The following VWC2 variants were observed in gnomAD, a reference collection of about 807,000 sequenced individuals.
VWC2 encodes the protein von Willebrand factor C domain containing 2.
VWC2 carries 14 observed loss-of-function variants against 29.8 expected under a neutral mutation model. The ratio of observed to expected loss-of-function variants is 0.47; its 90% CI spans 0.31 to 0.74. VWC2 has a LOEUF of 0.74. Ranked by LOEUF, VWC2 falls within the 30% of genes least tolerant of loss-of-function variation. The pLI, the probability that VWC2 is intolerant of heterozygous loss-of-function variation, is 0.05. For missense variants in VWC2, 457 were observed against 459.8 expected, an observed-to-expected ratio of 0.99 and a Z score of 0.05; for synonymous variants, 213 against 199.0, an observed-to-expected ratio of 1.07 and a Z score of -0.59.
At chr7:49,828,717 C>T (rs1234063157) in intron 3 of VWC2, among the ~76,000 whole-genome samples, 1 of 152,064 alleles carries the variant, frequency 6.6e-6, no homozygotes, top group Non-Finnish European at 1.5e-5. Context: ...ACGGCCTCTC[C>T]CACGGTTAAT....
rs939763495 is a variant in VWC2, at chr7:49,774,000, C to T, written c.-217C>T. 2 of 151,822 alleles carry T rather than the reference C, an allele frequency of 1.3e-5. No homozygotes were observed. Among genetic ancestry groups the T allele is most frequent in the Non-Finnish European group, 2.9e-5 (2 of 67,956 alleles). 9.4% of individuals were successfully genotyped at this position (151,822 alleles called of 1,614,324 possible). A position where few individuals can be genotyped will look rare whatever the true frequency, so the allele number is the denominator to read the frequency against. ...GGGGCTGGGCTGTTAGTGGTCCGCC[C>T]CACGCGGGTCGCCGGCCGGCCCAGG... is the stretch of plus-strand genomic sequence containing the variant. On this transcript the variant is annotated 5_prime_UTR_variant, in exon 1 of 4. Coordinates refer to ENST00000340652, the MANE Select transcript of VWC2 (RefSeq NM_198570.5).
chr7:49,878,590 G>C (rs1791542901), intron 3 of VWC2, among the ~76,000 whole-genome samples: 1 of 152,066 alleles, frequency 6.6e-6, no homozygotes, highest in East Asian at 1.9e-4. Flanking sequence ...CTTTGTTTTT[G>C]TTCCAGCAGT....
chr7:49,893,884 T>C (rs1320155061), intron 3 of VWC2, among the ~76,000 whole-genome samples: 1 of 152,190 alleles, frequency 6.6e-6, no homozygotes, highest in Admixed American at 6.5e-5. Flanking sequence ...TGTTGTTTAA[T>C]TTCAGAAAAT....
chr7:49,831,207 T>C (rs1789517848), intron 3 of VWC2, among the ~76,000 whole-genome samples: 1 of 152,220 alleles, frequency 6.6e-6, no homozygotes, highest in South Asian at 2.1e-4. Flanking sequence ...TCCTAAGGGC[T>C]TATGGTGGTG....
At position 49,840,125 on chromosome 7, in the gene VWC2, A is replaced by T. The variant is rs143227334; in HGVS notation, c.826+37285A>T. On this transcript the variant is annotated intron_variant, in intron 3 of 3. Coordinates refer to ENST00000340652, the MANE Select transcript of VWC2 (RefSeq NM_198570.5). ...CACTTTGCACCTCACTTTCCACCCG[A>T]GGAGAGCCTGTCTGAGAAGAGTGAC... is the stretch of plus-strand genomic sequence containing the variant. Among the ~76,000 whole-genome samples, 369 of 152,308 alleles carry T rather than the reference A, an allele frequency of 2.4e-3. 3 individuals are homozygous for T. The highest frequency in any genetic ancestry group is 8.8e-3 in the African/African-American group (365 of 41,562).
At chr7:49,825,215 T>A (rs1226660551) in intron 3 of VWC2, among the ~76,000 whole-genome samples, 1 of 152,214 alleles carries the variant, frequency 6.6e-6, no homozygotes, top group Non-Finnish European at 1.5e-5. Context: ...TTTATAGTTT[T>A]CATTTCTTCA....
intron 3 of VWC2, among the ~76,000 whole-genome samples, chr7:49,888,578 CT>C (rs1358303135): frequency 1.3e-5 from 2 of 152,150 alleles, no homozygotes; most frequent in African/African-American, 4.8e-5. Context: ...CTCAGGCAGC[CT>C]GCATCCCAGC....
chr7:49,824,515 C>CT (rs1407893593), intron 3 of VWC2, among the ~76,000 whole-genome samples: 1 of 152,108 alleles, frequency 6.6e-6, no homozygotes, highest in African/African-American at 2.4e-5. Context: ...AGGTGTCCAA[C>CT]TTTATTTTTT....
At chr7:49,822,091 T>C (rs1789274381) in intron 3 of VWC2, among the ~76,000 whole-genome samples, 1 of 152,210 alleles carries the variant, frequency 6.6e-6, no homozygotes, top group Admixed American at 6.5e-5. Context: ...AAAGTCAATC[T>C]AAATTCCTAA....
Position 49,914,541 on chromosome 7 carries a change from T to C in VWC2, c.*2356T>C, listed in dbSNP as rs1793619097. ...CCTCATTCCTCTCTCCTCATAGAAA[T>C]AATGCATAAACCAAACACATGGAAG... is the stretch of plus-strand genomic sequence containing the variant. On this transcript the variant is annotated 3_prime_UTR_variant, in exon 4 of 4. Coordinates refer to ENST00000340652, the MANE Select transcript of VWC2 (RefSeq NM_198570.5). 1 of 152,136 alleles carries C rather than the reference T, an allele frequency of 6.6e-6. No individual in the cohort carries two copies. The highest frequency in any genetic ancestry group is 1.9e-4 in the East Asian group (1 of 5,200). The allele number at this position is 152,136 out of a possible 1,614,324, so 9.4% of individuals were successfully genotyped here.
intron 2 of VWC2, among the ~76,000 whole-genome samples, chr7:49,788,219 T>C (rs374261613): frequency 9.2e-5 from 14 of 152,250 alleles, no homozygotes; most frequent in East Asian, 3.9e-4. Flanking sequence ...GAAGGAGCTT[T>C]AACAAGACAA....
At chr7:49,864,951 C>T (rs1790816331) in intron 3 of VWC2, among the ~76,000 whole-genome samples, 1 of 152,098 alleles carries the variant, frequency 6.6e-6, no homozygotes, top group African/African-American at 2.4e-5. Flanking sequence ...TCTGACAGTT[C>T]CTGTTTGTTT....
intron 3 of VWC2, among the ~76,000 whole-genome samples, chr7:49,832,772 C>A (rs1044643338): frequency 2.0e-5 from 3 of 152,176 alleles, no homozygotes; most frequent in Non-Finnish European, 4.4e-5. Flanking sequence ...TAAAATTCTA[C>A]ATTGCCAAGA....
chr7:49,884,491 A>T (rs1251018257), intron 3 of VWC2, among the ~76,000 whole-genome samples: 1 of 152,176 alleles, frequency 6.6e-6, no homozygotes, highest in Non-Finnish European at 1.5e-5. Flanking sequence ...ATCCTGATGG[A>T]TGAGGGGTGT....
chr7:49,912,311 C>T lies in VWC2; in HGVS notation c.*126C>T, dbSNP rs1314355256. ...GAGGAATAATGGAAAATTGTTGGTA[C>T]TTTTCCTTTTCTTGATAACAGTTAC... On this transcript the variant is annotated 3_prime_UTR_variant, in exon 4 of 4. Transcript: ENST00000340652. 2 of 999,530 alleles carry T rather than the reference C, an allele frequency of 2.0e-6. No individual in the cohort carries two copies. The highest frequency in any genetic ancestry group is 1.4e-6 in the Non-Finnish European group (1 of 708,556). The allele number at this position is 999,530 out of a possible 1,614,324, so 61.9% of individuals were successfully genotyped here.
chr7:49,877,483 T>TATAC (rs1256474782), intron 3 of VWC2, among the ~76,000 whole-genome samples: 709 of 10,470 alleles, frequency 0.068, 146 homozygotes, highest in Middle Eastern at 0.083. Context: ...AAAAAAAAAA[T>TATAC]ATATATATAT....
At chr7:49,818,899 A>C (rs6965978) in intron 3 of VWC2, among the ~76,000 whole-genome samples, 31,888 of 149,666 alleles carry the variant, frequency 0.21, 4,654 homozygotes, top group East Asian at 0.65. Context: ...ATTCATATAT[A>C]TATGAATTTG....
chr7:49,899,740 C>T (rs886585951), intron 3 of VWC2, among the ~76,000 whole-genome samples: 1 of 151,860 alleles, frequency 6.6e-6, no homozygotes, highest in Non-Finnish European at 1.5e-5. Context: ...TTTCCACACC[C>T]CTCTACCAGA....
At chr7:49,852,863 T>C (rs538253924) in intron 3 of VWC2, among the ~76,000 whole-genome samples, 1 of 152,344 alleles carries the variant, frequency 6.6e-6, no homozygotes, top group South Asian at 2.1e-4. Flanking sequence ...TGAACTACAG[T>C]TGCAGATGGA....
Sources: allele counts gnomAD v4.1 joint callset (sites outside exome capture counted in the v4.1 genomes callset), GRCh38; gene constraint gnomAD v4.1.1; transcripts MANE v1.5; gene names NCBI Gene and HGNC (gene_info 2026-07-23, HGNC 2026-07-21).